Variants in RBFOX1 observed in about 807,000 individuals in gnomAD.
The protein encoded by RBFOX1 is RNA binding protein fox-1 homolog 1.
RBFOX1 carries 8 observed loss-of-function variants against 57.7 expected under a neutral mutation model. The observed-to-expected ratio is 0.14, with a 90% CI of 0.08 to 0.25. The LOEUF (loss-of-function observed/expected upper bound fraction) is 0.25. RBFOX1 is among the 10% of genes least tolerant of loss of function. The probability of loss-of-function intolerance (pLI) is 1.00; values close to 1 mark genes in which losing one functional copy is unlikely to be tolerated. For synonymous variants in RBFOX1, 326 were observed against 222.4 expected (o/e 1.47, Z -4.15); for missense variants, 611 against 548.5 (o/e 1.11, Z -1.14).
chr16:6,511,797 C>G (rs1426529281), intron 2 of RBFOX1, among the ~76,000 whole-genome samples: 1 of 152,200 alleles, frequency 6.6e-6, no homozygotes, highest in East Asian at 1.9e-4. Flanking sequence ...CTACTAGTGG[C>G]TTTCCTCTTT....
chr16:5,747,576 C>T (rs1597083674), intron 3 of RBFOX1, among the ~76,000 whole-genome samples: 1 of 152,082 alleles, frequency 6.6e-6, no homozygotes, highest in African/African-American at 2.4e-5. Flanking sequence ...TTCGTCTGTT[C>T]AGGGATTCAA....
At chr16:5,700,115 A>C (rs939824888) in intron 3 of RBFOX1, among the ~76,000 whole-genome samples, 1 of 152,210 alleles carries the variant, frequency 6.6e-6, no homozygotes, top group African/African-American at 2.4e-5. Flanking sequence ...TACAGGCGTG[A>C]GCCACCATGC....
chr16:6,418,519 ATT>A (rs567448072), intron 2 of RBFOX1, among the ~76,000 whole-genome samples: 31 of 100,928 alleles, frequency 3.1e-4, no homozygotes, highest in East Asian at 1.9e-3. Flanking sequence ...TGCAAGCCTT[ATT>A]TTTTTTTTTT....
At chr16:6,540,292 A>AT (rs1201045639) in intron 2 of RBFOX1, among the ~76,000 whole-genome samples, 32 of 142,236 alleles carry the variant, frequency 2.2e-4, no homozygotes, top group African/African-American at 7.9e-4. Context: ...GATAGCCATC[A>AT]TATAAGCTGG....
chr16:6,472,807 TA>T (rs1174292830), intron 2 of RBFOX1, among the ~76,000 whole-genome samples: 2 of 151,898 alleles, frequency 1.3e-5, no homozygotes, highest in Non-Finnish European at 2.9e-5. Context: ...GTGTTTTTAG[TA>T]GAGATGGGGT....
chr16:7,138,682 C>A (rs1262702519), intron 4 of RBFOX1, among the ~76,000 whole-genome samples: 2 of 152,198 alleles, frequency 1.3e-5, no homozygotes, highest in African/African-American at 2.4e-5. Context: ...CCTGCCTAAT[C>A]ATCTACCTTC....
At chr16:5,838,340 C>T (rs966631904) in intron 3 of RBFOX1, 11 of 175,232 alleles carry the variant, frequency 6.3e-5, no homozygotes, top group African/African-American at 2.2e-4. Flanking sequence ...TTGAATGCAG[C>T]GAGCATGTGG....
chr16:6,840,542 G>C lies in RBFOX1; in HGVS notation c.-16+185892G>C, dbSNP rs371755503. ...TAGTATTAGAAAATGGGATCTTTGG[G>C]AGGTGATGGGGCCATAGAGCATAGC... On this transcript the variant is annotated intron_variant, in intron 3 of 15. Coordinates refer to ENST00000550418, the MANE Select transcript of RBFOX1 (RefSeq NM_018723.4). Among the ~76,000 whole-genome samples, 6 of 152,076 alleles carry C rather than the reference G, an allele frequency of 3.9e-5. No individual in the cohort carries two copies. In the East Asian group the frequency reaches 1.2e-3, roughly 29 times the overall value.
chr16:7,206,194 C>T (rs1037679724), intron 4 of RBFOX1, among the ~76,000 whole-genome samples: 3 of 152,080 alleles, frequency 2.0e-5, no homozygotes, highest in African/African-American at 7.2e-5. Context: ...GACTCATAAC[C>T]TTTCTAGGGA....
At chr16:5,470,429 C>A (rs182153167) in intron 2 of RBFOX1, among the ~76,000 whole-genome samples, 2 of 152,148 alleles carry the variant, frequency 1.3e-5, no homozygotes, top group Non-Finnish European at 2.9e-5. Flanking sequence ...CATTTGATTG[C>A]GTTGGTTTGT....
intron 3 of RBFOX1, among the ~76,000 whole-genome samples, chr16:6,918,723 T>C (rs1033362863): frequency 1.3e-5 from 2 of 152,190 alleles, no homozygotes; most frequent in Non-Finnish European, 2.9e-5. Context: ...GCCTTCCGAA[T>C]GCAGACAACA....
chr16:6,806,837 T>TAAATATATATATATA (rs1491107829), intron 3 of RBFOX1, among the ~76,000 whole-genome samples: 6 of 68,910 alleles, frequency 8.7e-5, no homozygotes, highest in Admixed American at 8.0e-4. Flanking sequence ...TATATATATA[T>TAAATATATATATATA]TTTTTTTTTT....
chr16:5,501,691 A>C (rs948280866), intron 2 of RBFOX1, among the ~76,000 whole-genome samples: 1 of 152,222 alleles, frequency 6.6e-6, no homozygotes, highest in African/African-American at 2.4e-5. Context: ...TGTGGGTAGT[A>C]CCCAGTGAAT....
chr16:6,487,705 AT>A (rs2095533662), intron 2 of RBFOX1, among the ~76,000 whole-genome samples: 2 of 4,022 alleles, frequency 5.0e-4, no homozygotes, highest in African/African-American at 8.3e-4. Context: ...AAAAAAATAT[AT>A]ATATATATAT....
At chr16:6,169,730 C>G (rs1364836118) in intron 1 of RBFOX1, among the ~76,000 whole-genome samples, 1 of 152,184 alleles carries the variant, frequency 6.6e-6, no homozygotes, top group African/African-American at 2.4e-5. Context: ...GGCCAAGACT[C>G]AGTTGTTGTT....
chr16:6,850,085 C>T (rs557649906), intron 3 of RBFOX1, among the ~76,000 whole-genome samples: 10 of 152,266 alleles, frequency 6.6e-5, no homozygotes, highest in African/African-American at 1.2e-4. Context: ...AGTCGATTGA[C>T]ATGGACTCTT....
chr16:6,349,969 C>T (rs568754110), intron 2 of RBFOX1, among the ~76,000 whole-genome samples: 10 of 152,138 alleles, frequency 6.6e-5, no homozygotes, highest in East Asian at 3.9e-4. Context: ...GGTGAATGTG[C>T]GTGTCTCTCC....
intron 2 of RBFOX1, among the ~76,000 whole-genome samples, chr16:6,364,588 C>T (rs966664005): frequency 6.6e-6 from 1 of 152,200 alleles, no homozygotes; most frequent in African/African-American, 2.4e-5. Context: ...TGTGTGTACA[C>T]ACACTTTCAT....
chr16:7,516,865 C>A (rs747214827), intron 4 of RBFOX1, among the ~76,000 whole-genome samples: 1 of 151,802 alleles, frequency 6.6e-6, no homozygotes, highest in Non-Finnish European at 1.5e-5. Context: ...TTTCTGTCAT[C>A]ATGTTTTTGC....
Sources: gnomAD v4.1 joint callset for allele counts (sites outside exome capture counted in the v4.1 genomes callset) on GRCh38, gnomAD v4.1.1 for gene constraint, MANE v1.5 for transcripts, NCBI Gene and HGNC (gene_info 2026-07-23, HGNC 2026-07-21) for gene names.